Variants in GFM1 observed in about 807,000 individuals in gnomAD.
The protein encoded by GFM1 is G elongation factor mitochondrial 1, also known as elongation factor G, mitochondrial.
In GFM1, 62 loss-of-function variants were observed where a neutral mutation model predicts 96.2. The ratio of observed to expected loss-of-function variants is 0.64; its 90% CI spans 0.53 to 0.80. The LOEUF is 0.80. Among genes scored for constraint, GFM1 ranks in the 30% least tolerant of loss-of-function variants. The pLI is 0.00. For synonymous variants in GFM1, 282 were observed against 312.9 expected (o/e 0.90, Z 1.04); for missense variants, 852 against 916.6 (o/e 0.93, Z 0.91).
chr3:158,665,356 C>T lies in GFM1; in HGVS notation c.1400C>T (p.Ser467Leu). 2 of 1,610,464 alleles carry T rather than the reference C, an allele frequency of 1.2e-6. No homozygotes were observed. Among genetic ancestry groups the T allele is most frequent in the Non-Finnish European group, 1.7e-6 (2 of 1,177,110 alleles). Reference sequence around the variant, plus strand: ...TTAAAGAACGATCTGGAAAAATTTTCAAAAGGTATTGGCAGGTTTACAAGA... The same window carrying T: ...TTAAAGAACGATCTGGAAAAATTTTTAAAAGGTATTGGCAGGTTTACAAGA... ...PSNKNDLEKF[S>L]KGIGRFTRED... Residue 467 changes from serine (S) to leucine (L), a missense_variant, in exon 12 of 18, where the codon TCA (serine) becomes TTA (leucine). Physicochemically the swap from Ser to Leu is moderately radical, Grantham distance 145. Transcript: ENST00000486715.
intron 5 of GFM1, chr3:158,650,186 G>C: frequency 2.5e-6 from 2 of 795,206 alleles, no homozygotes; most frequent in South Asian, 3.0e-5. Flanking sequence ...TGTAACAACT[G>C]AGTAATGACA....
chr3:158,672,592 A>C, intron 13 of GFM1: 3 of 1,310,814 alleles, frequency 2.3e-6, no homozygotes, highest in Admixed American at 3.8e-5. Flanking sequence ...GAAAAGTCGC[A>C]AGCTCCTTCA....
At chr3:158,680,113 G>A (rs1011878275) in intron 13 of GFM1, among the ~76,000 whole-genome samples, 2 of 152,120 alleles carry the variant, frequency 1.3e-5, no homozygotes, top group East Asian at 1.9e-4. Context: ...TATATTTTTC[G>A]TTGTTGAAAA....
chr3:158,679,324 T>G (rs1275204167), intron 13 of GFM1, among the ~76,000 whole-genome samples: 1 of 152,254 alleles, frequency 6.6e-6, no homozygotes, highest in Non-Finnish European at 1.5e-5. Flanking sequence ...ATTGCGATAT[T>G]AGCTTCATTG....
chr3:158,671,717 AAAAC>A (rs1421865350), intron 13 of GFM1, among the ~76,000 whole-genome samples: 8 of 152,242 alleles, frequency 5.3e-5, no homozygotes, highest in Non-Finnish European at 4.4e-5. Flanking sequence ...TCGTAAAATG[AAAAC>A]AAACCTCGTT....
chr3:158,647,492 AAG>A (rs1245388456), intron 4 of GFM1, among the ~76,000 whole-genome samples: 1 of 152,244 alleles, frequency 6.6e-6, no homozygotes, highest in African/African-American at 2.4e-5. Context: ...AGCCTTTAAA[AAG>A]AGTCAGAATT....
At chr3:158,657,491 G>A (rs543863857) in intron 8 of GFM1, 1 of 152,184 alleles carries the variant, frequency 6.6e-6, no homozygotes, top group Non-Finnish European at 1.5e-5. Flanking sequence ...CTTTTATCTT[G>A]ATGAAATAAA....
At chr3:158,666,757 A>G (rs1203529607) in intron 13 of GFM1, 1 of 1,600,964 alleles carries the variant, frequency 6.2e-7, no homozygotes, top group African/African-American at 1.3e-5. Context: ...GCAAGTGAAG[A>G]AAATTAATGC....
chr3:158,678,893 G>T (rs1725130616), intron 13 of GFM1, among the ~76,000 whole-genome samples: 1 of 152,218 alleles, frequency 6.6e-6, no homozygotes, highest in Non-Finnish European at 1.5e-5. Flanking sequence ...ATGTGACTGG[G>T]TGAAGTGGTT....
chr3:158,689,090 C>T (rs185640272), intron 15 of GFM1, among the ~76,000 whole-genome samples: 269 of 152,208 alleles, frequency 1.8e-3, no homozygotes, highest in Non-Finnish European at 3.0e-3. Flanking sequence ...AAACCTGAGG[C>T]GGAAGTATTT....
chr3:158,666,320 A>T lies in GFM1; in HGVS notation c.1535A>T (p.Tyr512Phe). The change falls in exon 13 of 18, where the codon TAT (tyrosine) becomes TTT (phenylalanine). Residue 512 changes from tyrosine to phenylalanine, a missense_variant. Coordinates refer to ENST00000486715, the MANE Select transcript of GFM1 (RefSeq NM_024996.7). Reference sequence around the variant, plus strand: ...TCTTTTTAGAGGCTGGAAAGAGAGTATGGCTGTCCTTGTATCACAGGAAAG... The same window carrying T: ...TCTTTTTAGAGGCTGGAAAGAGAGTTTGGCTGTCCTTGTATCACAGGAAAG... The part of the protein sequence containing the change: ...EIYAQRLERE[Y>F]GCPCITGKPK... The T allele has an allele frequency of 1.2e-6, 2 of 1,613,204 alleles. No homozygotes were observed. Among genetic ancestry groups the T allele is most frequent in the Admixed American group, 1.7e-5 (1 of 60,008 alleles).
chr3:158,657,077 A>C (rs993380693), intron 8 of GFM1: 10 of 152,246 alleles, frequency 6.6e-5, no homozygotes, highest in African/African-American at 2.4e-4. Context: ...TAATATTTTA[A>C]GTGGGGAAAA....
At chr3:158,667,256 G>A (rs1278132890) in intron 13 of GFM1, among the ~76,000 whole-genome samples, 2 of 152,164 alleles carry the variant, frequency 1.3e-5, no homozygotes, top group Non-Finnish European at 2.9e-5. Flanking sequence ...TAAATAAAGT[G>A]TTCTTTCAAG....
In GFM1 at chr3:158,644,574, C is replaced by A; in HGVS notation, c.-61C>A. 3 of 1,377,286 alleles carry A rather than the reference C, an allele frequency of 2.2e-6. No individual in the cohort carries two copies. Among genetic ancestry groups the A allele is most frequent in the Non-Finnish European group, 3.0e-6 (3 of 991,814 alleles). The allele number at this position is 1,377,286 out of a possible 1,614,324, so 85.3% of individuals were successfully genotyped here. On this transcript the variant is annotated 5_prime_UTR_variant, in exon 1 of 18. Transcript: ENST00000486715. The stretch of plus-strand genomic sequence containing the variant: ...GCGTGACTTTGACCGCTTCCCGGTG[C>A]GTTACCGGCAGCTGAACCCACCCGG...
intron 11 of GFM1, among the ~76,000 whole-genome samples, chr3:158,664,756 C>T (rs1723491614): frequency 6.6e-6 from 1 of 152,092 alleles, no homozygotes. Flanking sequence ...TGTAAGGCAG[C>T]GTATTGTCAG....
At position 158,660,912 on chromosome 3, in the gene GFM1, G is replaced by A; in HGVS notation, c.1260G>A (p.Leu420=). 6.2e-7 allele frequency: 1 copy of A among 1,614,052 alleles called. No homozygotes were observed. The highest frequency in any genetic ancestry group is 1.1e-5 in the South Asian group (1 of 91,084). The change falls in exon 10 of 18, where the codon TTG becomes TTA. Residue 420 remains leucine (L), a synonymous_variant. Transcript: ENST00000486715. ...TATATGCCGGAGACATCTGTGCATTGTTTGGCATTGACTGTGCTAGTGGAG... is the reference window on the plus strand; with the variant it reads ...TATATGCCGGAGACATCTGTGCATTATTTGGCATTGACTGTGCTAGTGGAG... ...EEVYAGDICA[L]FGIDCASGDT...
At chr3:158,653,928 G>A (rs1039145797) in intron 7 of GFM1, among the ~76,000 whole-genome samples, 13 of 152,094 alleles carry the variant, frequency 8.5e-5, no homozygotes, top group Admixed American at 2.6e-4. Context: ...GAAATTAGCC[G>A]GGTGTGGTGG....
chr3:158,656,887 A>AGG (rs1438521351), intron 8 of GFM1: 2 of 152,154 alleles, frequency 1.3e-5, no homozygotes, highest in Non-Finnish European at 2.9e-5. Flanking sequence ...GCCTTTTTGA[A>AGG]TACTTCCTTA....
chr3:158,649,986 C>T, intron 5 of GFM1: 2 of 1,533,532 alleles, frequency 1.3e-6, no homozygotes, highest in Non-Finnish European at 1.7e-6. Flanking sequence ...ACCTCTGTAG[C>T]CTGGTCGTTT....
Sources: allele counts gnomAD v4.1 joint callset (sites outside exome capture counted in the v4.1 genomes callset), GRCh38; gene constraint gnomAD v4.1.1; transcripts MANE v1.5; gene names NCBI Gene and HGNC (gene_info 2026-07-23, HGNC 2026-07-21).